SULT4A1: variants seen among roughly 807,000 people sequenced by gnomAD.
The protein encoded by SULT4A1 is sulfotransferase 4A1.
Under a neutral mutation model 35.2 loss-of-function variants are expected in SULT4A1, and 11 were observed. The ratio of observed to expected loss-of-function variants is 0.31; its 90% CI spans 0.20 to 0.52. The LOEUF (loss-of-function observed/expected upper bound fraction) is 0.52. Ranked by LOEUF, SULT4A1 falls within the 20% of genes least tolerant of loss-of-function variation. The pLI is 0.97. For missense variants in SULT4A1, 271 were observed against 383.7 expected, an observed-to-expected ratio of 0.71 and a Z score of 2.45; for synonymous variants, 152 against 151.8, an observed-to-expected ratio of 1.00 and a Z score of -0.01.
intron 4 of SULT4A1, among the ~76,000 whole-genome samples, chr22:43,838,405 C>T (rs1337068201): frequency 1.3e-5 from 2 of 151,984 alleles, no homozygotes; most frequent in East Asian, 1.9e-4. Flanking sequence ...CTCCTCCCAG[C>T]GGGCACAAGT....
At chr22:43,856,992 AG>A (rs1429438909) in intron 1 of SULT4A1, among the ~76,000 whole-genome samples, 2 of 152,250 alleles carry the variant, frequency 1.3e-5, no homozygotes, top group African/African-American at 2.4e-5. Context: ...CAACAGAATT[AG>A]ACTCATGGAA....
At chr22:43,847,053 G>A (rs188662405) in intron 1 of SULT4A1, among the ~76,000 whole-genome samples, 23 of 152,024 alleles carry the variant, frequency 1.5e-4, no homozygotes, top group Non-Finnish European at 2.9e-4. Flanking sequence ...CTCTTGACTC[G>A]TCAGGTCCAC....
chr22:43,854,441 C>A (rs1159045402), intron 1 of SULT4A1, among the ~76,000 whole-genome samples: 1 of 152,174 alleles, frequency 6.6e-6, no homozygotes, highest in Non-Finnish European at 1.5e-5. Flanking sequence ...ACAGTCTGGC[C>A]AAGACCAGCT....
chr22:43,842,753 A>C (rs2063444425), intron 1 of SULT4A1, among the ~76,000 whole-genome samples: 1 of 152,172 alleles, frequency 6.6e-6, no homozygotes, highest in Non-Finnish European at 1.5e-5. Flanking sequence ...AACAGTGTTT[A>C]TATTTTGGGT....
intron 5 of SULT4A1, among the ~76,000 whole-genome samples, chr22:43,832,102 C>A (rs889527883): frequency 6.6e-6 from 1 of 152,208 alleles, no homozygotes; most frequent in African/African-American, 2.4e-5. Flanking sequence ...CCACAGGAAA[C>A]CACGGCCGAC....
At chr22:43,841,367 C>T (rs2063427074) in intron 2 of SULT4A1, among the ~76,000 whole-genome samples, 1 of 151,968 alleles carries the variant, frequency 6.6e-6, no homozygotes, top group Non-Finnish European at 1.5e-5. Flanking sequence ...AGAGGTGCAG[C>T]GGACGGGGTG....
chr22:43,836,910 G>C (rs1271654898), intron 4 of SULT4A1, among the ~76,000 whole-genome samples: 1 of 152,262 alleles, frequency 6.6e-6, no homozygotes, highest in Admixed American at 6.5e-5. Context: ...GCACACTGCA[G>C]GTGTCACAGG....
At chr22:43,843,691 G>C (rs2063451542) in intron 1 of SULT4A1, among the ~76,000 whole-genome samples, 1 of 152,244 alleles carries the variant, frequency 6.6e-6, no homozygotes, top group East Asian at 1.9e-4. Flanking sequence ...TTCCTGGAGG[G>C]TGGCTTGCCC....
chr22:43,832,847 G>A (rs998361752), intron 5 of SULT4A1, among the ~76,000 whole-genome samples: 2 of 151,988 alleles, frequency 1.3e-5, no homozygotes, highest in Admixed American at 6.5e-5. Flanking sequence ...ACCCTCCCCA[G>A]CACCCAGCTC....
intron 4 of SULT4A1, among the ~76,000 whole-genome samples, chr22:43,837,664 C>T (rs1469885665): frequency 1.3e-5 from 2 of 152,180 alleles, no homozygotes; most frequent in Admixed American, 1.3e-4. Flanking sequence ...AGAATCATCC[C>T]AGGGCTTTGA....
chr22:43,860,078 CCA>C (rs1348103783), intron 1 of SULT4A1, among the ~76,000 whole-genome samples: 6 of 152,178 alleles, frequency 3.9e-5, no homozygotes, highest in Non-Finnish European at 7.3e-5. Context: ...CCTTTGAACC[CCA>C]GTTTCTCCAT....
Position 43,842,057 on chromosome 22 carries a change from A to C in SULT4A1, c.170-125T>G. On this transcript the variant is annotated intron_variant, in intron 1 of 6. Coordinates refer to ENST00000330884, the MANE Select transcript of SULT4A1 (RefSeq NM_014351.4). Reference sequence around the variant, plus strand: ...CCCCAGGTGGGGCCCAGGGCGACTGAGTCTGGGAAGAGGAGCGCGCCCCGC... The same window carrying C: ...CCCCAGGTGGGGCCCAGGGCGACTGCGTCTGGGAAGAGGAGCGCGCCCCGC... The C allele has an allele frequency of 2.8e-6, 4 of 1,413,198 alleles. No homozygotes were observed. The South Asian group carries it at 5.8e-5, about 21-fold the overall frequency. The allele number at this position is 1,413,198 out of a possible 1,614,324, so 87.5% of individuals were successfully genotyped here.
intron 6 of SULT4A1, chr22:43,827,761 A>ACG (rs1400252212): frequency 2.3e-6 from 1 of 432,904 alleles, no homozygotes; most frequent in Non-Finnish European, 4.3e-6. Flanking sequence ...TTCACCACAC[A>ACG]CACACACACA....
At chr22:43,832,154 C>A (rs960943122) in intron 5 of SULT4A1, among the ~76,000 whole-genome samples, 3 of 152,210 alleles carry the variant, frequency 2.0e-5, no homozygotes, top group Non-Finnish European at 4.4e-5. Context: ...TTCCAACCTG[C>A]TTGGGCTACA....
At chr22:43,859,778 C>A (rs1406048554) in intron 1 of SULT4A1, among the ~76,000 whole-genome samples, 4 of 152,202 alleles carry the variant, frequency 2.6e-5, no homozygotes, top group Admixed American at 1.3e-4. Context: ...CCACCCAATA[C>A]GGCAGCCGCT....
chr22:43,827,048 T>C, intron 6 of SULT4A1: 1 of 985,456 alleles, frequency 1.0e-6, no homozygotes, highest in Non-Finnish European at 1.2e-6. Flanking sequence ...CTTAGGTTGG[T>C]CTAGTCCAAT....
chr22:43,849,292 A>G (rs964224594), intron 1 of SULT4A1, among the ~76,000 whole-genome samples: 3 of 152,162 alleles, frequency 2.0e-5, no homozygotes, highest in Admixed American at 6.5e-5. Context: ...GACAGGGGGC[A>G]GGGAAAGATG....
chr22:43,856,305 CAA>C, intron 1 of SULT4A1, among the ~76,000 whole-genome samples: 1 of 152,290 alleles, frequency 6.6e-6, no homozygotes, highest in East Asian at 1.9e-4. Context: ...AAGGAAAAAC[CAA>C]GACTCTGCCC....
intron 1 of SULT4A1, among the ~76,000 whole-genome samples, chr22:43,849,743 C>T (rs1041469034): frequency 1.3e-5 from 2 of 152,178 alleles, no homozygotes; most frequent in African/African-American, 4.8e-5. Context: ...GACAAGAACT[C>T]GGGTGCCACG....
Sources: gnomAD v4.1 joint callset for allele counts (sites outside exome capture counted in the v4.1 genomes callset) on GRCh38, gnomAD v4.1.1 for gene constraint, MANE v1.5 for transcripts, NCBI Gene and HGNC (gene_info 2026-07-23, HGNC 2026-07-21) for gene names.